The following ARMC2 variants were observed in gnomAD, a reference collection of about 807,000 sequenced individuals.
ARMC2 encodes armadillo repeat containing 2.
Under a neutral mutation model 90.3 loss-of-function variants are expected in ARMC2, and 67 were observed. The ratio of observed to expected loss-of-function variants is 0.74; its 90% CI spans 0.61 to 0.91. The LOEUF is 0.91. ARMC2 is among the 40% of genes least tolerant of loss of function. ARMC2 has a pLI of 0.00. For synonymous variants in ARMC2, 393 were observed against 393.0 expected, an observed-to-expected ratio of 1.00 and a Z score of 0.00; for missense variants, 920 against 1,030.9, an observed-to-expected ratio of 0.89 and a Z score of 1.47.
intron 5 of ARMC2, among the ~76,000 whole-genome samples, chr6:108,881,249 TTTTC>T (rs1777532648): frequency 2.1e-5 from 3 of 145,490 alleles, no homozygotes; most frequent in South Asian, 2.2e-4. Flanking sequence ...TTTCTTTTTC[TTTTC>T]TTTCTTCTTT....
At chr6:108,901,003 A>G (rs1356060336) in intron 7 of ARMC2, among the ~76,000 whole-genome samples, 12 of 151,416 alleles carry the variant, frequency 7.9e-5, no homozygotes, top group Admixed American at 7.9e-4. Flanking sequence ...GATAAGGGTT[A>G]CACAAGAAAA....
At chr6:108,853,441 ATC>A (rs1379066331) in intron 1 of ARMC2, among the ~76,000 whole-genome samples, 1 of 152,050 alleles carries the variant, frequency 6.6e-6, no homozygotes, top group Non-Finnish European at 1.5e-5. Context: ...AAATTCATAG[ATC>A]TCTGTCTCTT....
At chr6:109,012,340 CAAG>C in the ARMC2 span, among the ~76,000 whole-genome samples, 1 of 151,896 alleles carries the variant, frequency 6.6e-6, no homozygotes, top group Non-Finnish European at 1.5e-5. Context: ...ACATTTAATC[CAAG>C]AAGTAATAGT....
chr6:108,899,521 A>G (rs536470513), intron 6 of ARMC2, among the ~76,000 whole-genome samples, 173 bp from the exon 7 acceptor site: 41 of 152,314 alleles, frequency 2.7e-4, no homozygotes, highest in African/African-American at 9.1e-4. Context: ...AATTTGGGGT[A>G]ATTTGATTAG....
the ARMC2 span, among the ~76,000 whole-genome samples, chr6:109,049,759 A>G: frequency 6.6e-6 from 1 of 150,750 alleles, no homozygotes; most frequent in Non-Finnish European, 1.5e-5. Flanking sequence ...TGAAATCATT[A>G]CATATATATT....
the ARMC2 span, among the ~76,000 whole-genome samples, chr6:109,021,592 C>T: frequency 6.6e-6 from 1 of 152,080 alleles, no homozygotes; most frequent in African/African-American, 2.4e-5. Context: ...TGCCTGCCAC[C>T]AAGCCTGGCT....
chr6:109,041,280 T>C, the ARMC2 span, among the ~76,000 whole-genome samples: 1 of 151,944 alleles, frequency 6.6e-6, no homozygotes, highest in Non-Finnish European at 1.5e-5. Context: ...CCAGTCTGGG[T>C]GGCAGAGTGA....
At chr6:108,985,112 G>A in the ARMC2 span, among the ~76,000 whole-genome samples, 2 of 152,016 alleles carry the variant, frequency 1.3e-5, no homozygotes. Flanking sequence ...ATTCATGTAT[G>A]ATATTCACAT....
At chr6:109,047,499 C>T in the ARMC2 span, among the ~76,000 whole-genome samples, 6,547 of 116,266 alleles carry the variant, frequency 0.056, 201 homozygotes, top group African/African-American at 0.16. Context: ...CCCGGCCAGC[C>T]GCCCCGTCCG....
chr6:108,929,046 T>C (rs1222764369), intron 11 of ARMC2, among the ~76,000 whole-genome samples: 1 of 152,168 alleles, frequency 6.6e-6, no homozygotes, highest in Non-Finnish European at 1.5e-5. Flanking sequence ...GGGTAAATTG[T>C]ATGACGTGGA....
the ARMC2 span, among the ~76,000 whole-genome samples, chr6:109,038,722 T>C: frequency 6.6e-6 from 1 of 152,206 alleles, no homozygotes; most frequent in Non-Finnish European, 1.5e-5. Context: ...CTTAAGAAAT[T>C]TTTAATAAGC....
intron 4 of ARMC2, among the ~76,000 whole-genome samples, chr6:108,869,537 GT>G (rs1160143894): frequency 6.6e-6 from 1 of 152,104 alleles, no homozygotes; most frequent in African/African-American, 2.4e-5. Context: ...ATTAGGATAA[GT>G]ATTCCCTAGT....
At chr6:109,052,941 T>C in the ARMC2 span, among the ~76,000 whole-genome samples, 2 of 152,130 alleles carry the variant, frequency 1.3e-5, no homozygotes, top group African/African-American at 4.8e-5. Flanking sequence ...GAGACAGACA[T>C]TAATCAAACA....
intron 17 of ARMC2, among the ~76,000 whole-genome samples, chr6:108,965,389 G>C (rs1283430475): frequency 1.3e-4 from 5 of 37,836 alleles, no homozygotes; most frequent in Admixed American, 5.0e-4. Flanking sequence ...TTTTTTTTTT[G>C]CATTTTCTCT....
At position 108,973,484 on chromosome 6, in the gene ARMC2, C is replaced by T; in HGVS notation, c.2574C>T (p.Phe858=). ...LLNRIQRHHT[F]LEPLPIPSF ...ACCGAATTCAGAGACATCACACCTT[C>T]CTGGAACCCCTGCCCATTCCCTCTT... The change falls in exon 18 of 18, where the codon TTC becomes TTT. Residue 858 remains phenylalanine (F), a synonymous_variant. Coordinates refer to ENST00000392644, the MANE Select transcript of ARMC2 (RefSeq NM_032131.6). 1.9e-6 allele frequency: 3 copies of T among 1,613,254 alleles called. No homozygotes were observed. The highest frequency in any genetic ancestry group is 2.5e-6 in the Non-Finnish European group (3 of 1,179,466).
the ARMC2 span, among the ~76,000 whole-genome samples, chr6:109,014,102 T>C: frequency 3.3e-5 from 5 of 152,122 alleles, no homozygotes; most frequent in Non-Finnish European, 7.4e-5. Context: ...TCATTTAGAG[T>C]TTCCTCTTTT....
chr6:108,994,187 G>A, the ARMC2 span, among the ~76,000 whole-genome samples: 2 of 146,308 alleles, frequency 1.4e-5, no homozygotes, highest in African/African-American at 5.0e-5. Flanking sequence ...GCACTCATAT[G>A]TTAAGTGACT....
At chr6:108,910,452 C>T (rs1186679059) in intron 8 of ARMC2, among the ~76,000 whole-genome samples, 1 of 152,108 alleles carries the variant, frequency 6.6e-6, no homozygotes, top group African/African-American at 2.4e-5. Context: ...GAGCAAGACC[C>T]TGTCTCTGTA....
chr6:109,033,896 A>C, the ARMC2 span, among the ~76,000 whole-genome samples: 1 of 152,236 alleles, frequency 6.6e-6, no homozygotes, highest in Non-Finnish European at 1.5e-5. Flanking sequence ...GATGGACTTA[A>C]GCATTCGTAA....
Sources: allele counts gnomAD v4.1 joint callset (sites outside exome capture counted in the v4.1 genomes callset), GRCh38; gene constraint gnomAD v4.1.1; transcripts MANE v1.5; gene names NCBI Gene and HGNC (gene_info 2026-07-23, HGNC 2026-07-21).